Variants in NDRG3 observed in about 807,000 individuals in gnomAD.
The protein encoded by NDRG3 is protein NDRG3.
Under a neutral mutation model 57.2 loss-of-function variants are expected in NDRG3, and 23 were observed. The ratio of observed to expected loss-of-function variants is 0.40; its 90% CI spans 0.29 to 0.57. NDRG3 has a LOEUF of 0.57. Ranked by LOEUF, NDRG3 falls within the 20% of genes least tolerant of loss-of-function variation. NDRG3 has a pLI of 0.42. For missense variants in NDRG3, 384 were observed against 457.3 expected (o/e 0.84, Z 1.46); for synonymous variants, 132 against 162.6 (o/e 0.81, Z 1.43).
chr20:36,655,120 A>G (rs1001887789), intron 15 of NDRG3, among the ~76,000 whole-genome samples: 1 of 152,244 alleles, frequency 6.6e-6, no homozygotes, highest in African/African-American at 2.4e-5. Flanking sequence ...TAGGAAAAGG[A>G]TAAGAATGGA....
At chr20:36,661,312 A>C (rs1979184152) in intron 12 of NDRG3, among the ~76,000 whole-genome samples, 2 of 152,206 alleles carry the variant, frequency 1.3e-5, no homozygotes, top group Non-Finnish European at 2.9e-5. Flanking sequence ...GTGTTCATGA[A>C]GGCAGGGATC....
chr20:36,657,813 T>C (rs1978812124), intron 13 of NDRG3, among the ~76,000 whole-genome samples: 1 of 152,164 alleles, frequency 6.6e-6, no homozygotes, highest in Admixed American at 6.5e-5. Flanking sequence ...TAAACAAACA[T>C]TTAACAAATA....
intron 12 of NDRG3, among the ~76,000 whole-genome samples, chr20:36,663,023 A>G (rs1979337217): frequency 1.3e-5 from 2 of 152,354 alleles, no homozygotes; most frequent in South Asian, 4.1e-4. Context: ...TATTAAGTAT[A>G]TATGTTCATT....
chr20:36,664,868 T>C (rs1356445720), intron 12 of NDRG3, among the ~76,000 whole-genome samples, 178 bp downstream of exon 12: 1 of 152,070 alleles, frequency 6.6e-6, no homozygotes, highest in Non-Finnish European at 1.5e-5. Context: ...AAAATATATA[T>C]TGTAGAGTTA....
At chr20:36,704,931 C>T (rs750321756) in intron 3 of NDRG3, among the ~76,000 whole-genome samples, 8 of 152,094 alleles carry the variant, frequency 5.3e-5, no homozygotes, top group African/African-American at 9.7e-5. Flanking sequence ...AAATGGGCAA[C>T]GGATTCAGGA....
At chr20:36,726,733 T>C (rs1163041860) in intron 1 of NDRG3, among the ~76,000 whole-genome samples, 1 of 152,080 alleles carries the variant, frequency 6.6e-6, no homozygotes, top group Non-Finnish European at 1.5e-5. Flanking sequence ...CCTAGTCATA[T>C]GAGTAGGAGG....
chr20:36,663,232 C>A (rs531479621), intron 12 of NDRG3, among the ~76,000 whole-genome samples: 1 of 152,106 alleles, frequency 6.6e-6, no homozygotes, highest in South Asian at 2.1e-4. Flanking sequence ...ACAACAGACA[C>A]GTAGTGTTTT....
At chr20:36,677,775 A>G (rs1403320664) in intron 8 of NDRG3, among the ~76,000 whole-genome samples, 3 of 152,136 alleles carry the variant, frequency 2.0e-5, no homozygotes, top group Admixed American at 6.5e-5. Flanking sequence ...CTAACACTAA[A>G]TAAAACTCTT....
intron 3 of NDRG3, among the ~76,000 whole-genome samples, chr20:36,696,014 C>T: frequency 6.6e-6 from 1 of 152,214 alleles, no homozygotes; most frequent in East Asian, 1.9e-4. Context: ...CTTTATTTCT[C>T]AGACCAGCCA....
rs768022086 is a variant in NDRG3 at position 36,682,546 on chromosome 20, G to C, written c.416C>G (p.Ala139Gly). ...AAATCTGCTGAGGATGTAAGCTCCA[G>C]CTCCAACTCCAATTCCAATGATGCT... Reference protein sequence around the residue: ...LKSIIGIGVGAGAYILSRFAL... With the variant: ...LKSIIGIGVGGGAYILSRFAL... Residue 139 changes from alanine to glycine, a missense_variant, in exon 7 of 16, where the codon GCT becomes GGT. Coordinates refer to ENST00000349004, the MANE Select transcript of NDRG3 (RefSeq NM_032013.4). 1 of 1,614,042 alleles carries C rather than the reference G, an allele frequency of 6.2e-7. No homozygotes were observed. The highest frequency in any genetic ancestry group is 8.5e-7 in the Non-Finnish European group (1 of 1,179,920).
Position 36,653,648 on chromosome 20 carries a change from T to C in NDRG3, c.1000A>G (p.Ser334Gly), listed in dbSNP as rs774044962. 6.2e-7 allele frequency: 1 copy of C among 1,614,160 alleles called. No homozygotes were observed. Among genetic ancestry groups the C allele is most frequent in the South Asian group, 1.1e-5 (1 of 91,080 alleles). The change falls in exon 16 of 16, where the codon AGT becomes GGT. Residue 334 changes from serine to glycine, a missense_variant. Transcript: ENST00000349004. The surrounding 1 kb of genome is among the most constrained non-coding windows in gnomAD (Gnocchi z 4.2). ...LARSRTHSTS[S>G]SLGSGESPFS... ...GGACTTTCTCCAGAGCCGAGGCTAC[T>C]CGAGGTTGAGTGGGTTCGTGATCGG...
At chr20:36,711,936 C>T (rs1379990945) in intron 2 of NDRG3, among the ~76,000 whole-genome samples, 3 of 152,118 alleles carry the variant, frequency 2.0e-5, no homozygotes, top group East Asian at 1.9e-4. Context: ...CCCGCCACTG[C>T]GCCCGGCTAA....
At chr20:36,732,584 C>T (rs1181891308) in intron 1 of NDRG3, among the ~76,000 whole-genome samples, 1 of 152,070 alleles carries the variant, frequency 6.6e-6, no homozygotes, top group South Asian at 2.1e-4. Flanking sequence ...CTTTTTGAGT[C>T]CCTGACAGGG....
chr20:36,674,652 T>C (rs1980496894), intron 8 of NDRG3, among the ~76,000 whole-genome samples: 1 of 150,024 alleles, frequency 6.7e-6, no homozygotes, highest in South Asian at 2.1e-4. Context: ...GGCAGGACTG[T>C]AGTAGCATGA....
chr20:36,691,623 G>A (rs911704322), intron 3 of NDRG3, among the ~76,000 whole-genome samples: 3 of 152,186 alleles, frequency 2.0e-5, no homozygotes, highest in Non-Finnish European at 4.4e-5. Context: ...TGAGGCAGAA[G>A]AATTGCTTGA....
At chr20:36,683,990 A>C (rs929072643) in intron 6 of NDRG3, among the ~76,000 whole-genome samples, 3 of 152,112 alleles carry the variant, frequency 2.0e-5, no homozygotes, top group African/African-American at 7.2e-5. Context: ...AAAAAATTTA[A>C]ACAGCTTTAT....
chr20:36,727,543 C>A (rs1156936388), intron 1 of NDRG3, among the ~76,000 whole-genome samples: 1 of 147,974 alleles, frequency 6.8e-6, no homozygotes, highest in Admixed American at 6.8e-5. Context: ...TTTTTCTTTT[C>A]TTTTCTTTTT....
At chr20:36,700,471 T>C in intron 3 of NDRG3, 1 of 532,116 alleles carries the variant, frequency 1.9e-6, no homozygotes, top group South Asian at 1.4e-5. Flanking sequence ...TTCGTGACCT[T>C]GTGAATGAAC....
intron 8 of NDRG3, among the ~76,000 whole-genome samples, chr20:36,679,130 C>T (rs1425419050): frequency 2.0e-5 from 3 of 151,992 alleles, no homozygotes; most frequent in South Asian, 2.1e-4. Context: ...AGCTAATTTT[C>T]GTATTTTTAG....
Sources: gnomAD v4.1 joint callset for allele counts (sites outside exome capture counted in the v4.1 genomes callset) on GRCh38, gnomAD v4.1.1 for gene constraint, Gnocchi (gnomAD v3.1) non-coding constraint, MANE v1.5 for transcripts, NCBI Gene and HGNC (gene_info 2026-07-23, HGNC 2026-07-21) for gene names.